Variants in PRDM8 observed in about 807,000 individuals in gnomAD.
PRDM8 encodes the protein PR/SET domain 8.
A neutral mutation model predicts 46.5 loss-of-function variants in PRDM8; 13 were observed. The observed-to-expected ratio is 0.28, with a 90% CI of 0.18 to 0.44. The LOEUF (loss-of-function observed/expected upper bound fraction) is 0.44, where lower values mean the gene tolerates loss of function less well. Ranked by LOEUF, PRDM8 falls within the 20% of genes least tolerant of loss-of-function variation. The pLI is 1.00. For synonymous variants in PRDM8, 473 were observed against 438.4 expected (o/e 1.08, Z -0.98); for missense variants, 998 against 955.0 (o/e 1.04, Z -0.59).
rs1422984083 is a variant in PRDM8, at chr4:80,203,610, C to T, written c.*78C>T. On this transcript the variant is annotated 3_prime_UTR_variant, in exon 4 of 4. Transcript: ENST00000415738. ...GCAGGAATAAACACGCGAGAACATC[C>T]ACCGCTTCCTTGCACCCCGAAACCC... 61 of 1,487,552 alleles carry T rather than the reference C, an allele frequency of 4.1e-5. No homozygotes were observed. Among genetic ancestry groups the T allele is most frequent in the Non-Finnish European group, 4.8e-5 (54 of 1,116,300 alleles). The allele number at this position is 1,487,552 out of a possible 1,614,324, so 92.1% of individuals were successfully genotyped here.
chr4:80,201,377 C>A lies in PRDM8; in HGVS notation c.307C>A (p.Leu103Ile). The A allele has an allele frequency of 6.2e-7, 1 of 1,614,220 alleles. No individual in the cohort carries two copies. Among genetic ancestry groups the A allele is most frequent in the African/African-American group, 1.3e-5 (1 of 75,048 alleles). ...GGCCAGAGATAAGGAAGAGCAGAAC[C>A]TTGAAGCCTACATAAAAAACGGACA... ...QSARDKEEQN[L>I]EAYIKNGQLF... The change falls in exon 3 of 4, where the codon CTT (leucine) becomes ATT (isoleucine). Residue 103 changes from leucine to isoleucine, a missense_variant. Transcript: ENST00000415738.
upstream of PRDM8, chr4:80,197,402 G>A: frequency 1.0e-6 from 1 of 979,180 alleles, no homozygotes; most frequent in African/African-American, 1.7e-5. Flanking sequence ...CGGAGGGAGC[G>A]CCTGGCCCAG....
chr4:80,189,794 C>G (rs1737407745), intron 1 of PRDM8: 1 of 152,210 alleles, frequency 6.6e-6, no homozygotes, highest in South Asian at 2.1e-4. Context: ...TCCTGGTTCC[C>G]CTGTGGAATT....
At chr4:80,197,898 C>G (rs1450621607) in intron 1 of PRDM8, 135 bp downstream of exon 1, 1 of 813,318 alleles carries the variant, frequency 1.2e-6, no homozygotes, top group African/African-American at 1.9e-5. Context: ...TGTCTACTGC[C>G]AGTAATATTG....
At chr4:80,192,710 T>C (rs963945978), upstream of PRDM8, among the ~76,000 whole-genome samples, 2 of 152,036 alleles carry the variant, frequency 1.3e-5, no homozygotes, top group African/African-American at 2.4e-5. Context: ...TGGGGAAGAG[T>C]ATAACATTTG....
intron 2 of PRDM8, among the ~76,000 whole-genome samples, chr4:80,200,706 G>A (rs116386292): frequency 0.013 from 1,972 of 152,222 alleles, 27 homozygotes; most frequent in Middle Eastern, 0.041. Flanking sequence ...CTAAAGATTA[G>A]TTTCTTTGGT....
intron 1 of PRDM8, among the ~76,000 whole-genome samples, chr4:80,199,195 G>C (rs1738235661): frequency 6.6e-6 from 1 of 151,928 alleles, no homozygotes; most frequent in African/African-American, 2.4e-5. Flanking sequence ...ATATGGGGTA[G>C]GGGGAGTGAA....
At chr4:80,192,209 A>G (rs889172055) in intron 2 of PRDM8, among the ~76,000 whole-genome samples, 1 of 152,188 alleles carries the variant, frequency 6.6e-6, no homozygotes, top group African/African-American at 2.4e-5. Flanking sequence ...TCCATACCTC[A>G]GAAAGCTAAC....
rs6834136 is a variant in PRDM8, at chr4:80,187,110, A to C, written c.-983+1592A>C. Among the ~76,000 whole-genome samples, 4 of 152,204 alleles carry C rather than the reference A, an allele frequency of 2.6e-5. No homozygotes were observed. The East Asian group carries it at 5.8e-4, about 22-fold the overall frequency. On this transcript the variant is annotated intron_variant, in intron 1 of 9. Coordinates refer to the PRDM8 transcript ENST00000339711. Reference sequence around the variant, plus strand: ...TCTCACCAATGTCTCCTTTGCCCCCAGGGTAGAACACTGAGGAATTGGTTT... The same window carrying C: ...TCTCACCAATGTCTCCTTTGCCCCCCGGGTAGAACACTGAGGAATTGGTTT...
At position 80,203,168 on chromosome 4, in the gene PRDM8, T is replaced by C; in HGVS notation, c.1706T>C (p.Leu569Pro). ...CGSLPSGGGG[L>P]PKQSPFLYAT... ...TCCCTGCCGAGCGGCGGCGGCGGCC[T>C]GCCTAAGCAGAGCCCCTTCCTGTAC... Residue 569 changes from leucine (L) to proline (P), a missense_variant, in exon 4 of 4, where the codon CTG (leucine) becomes CCG (proline). By Grantham distance (98) the Leu-to-Pro change is moderately conservative. Transcript: ENST00000415738. The C allele has an allele frequency of 3.2e-6, 5 of 1,544,726 alleles. No individual in the cohort carries two copies. The highest frequency in any genetic ancestry group is 4.3e-6 in the Non-Finnish European group (5 of 1,151,136).
intron 3 of PRDM8, 124 bp from the exon 4 acceptor site, chr4:80,201,790 G>T (rs1285797413): frequency 2.9e-6 from 4 of 1,393,224 alleles, no homozygotes; most frequent in Non-Finnish European, 4.0e-6. Context: ...CCTGAGAAAT[G>T]AAGGTGGATT....
intron 1 of PRDM8, among the ~76,000 whole-genome samples, chr4:80,187,828 CCCCAA>C (rs1449819979): frequency 2.0e-5 from 3 of 152,174 alleles, no homozygotes; most frequent in Non-Finnish European, 2.9e-5. Context: ...TCCTATAGAG[CCCCAA>C]ATGCCTACTG....
At chr4:80,188,032 A>G in intron 1 of PRDM8, among the ~76,000 whole-genome samples, 1 of 152,074 alleles carries the variant, frequency 6.6e-6, no homozygotes, top group Non-Finnish European at 1.5e-5. Context: ...CTAAACACTA[A>G]AGACAAAAGG....
At chr4:80,197,437 G>A (rs1417996993), upstream of PRDM8, 1 of 985,582 alleles carries the variant, frequency 1.0e-6, no homozygotes, top group African/African-American at 1.7e-5. Context: ...GAGGGGACGT[G>A]GGCTGTCACG....
In PRDM8 at chr4:80,186,553, CG is replaced by C. The variant is rs202197298; in HGVS notation, c.-983+1038del. 8.4e-3 allele frequency among the ~76,000 whole-genome samples: 1,277 copies of C among 151,960 alleles called. 20 individuals are homozygous for C. The highest frequency in any genetic ancestry group is 0.029 in the African/African-American group (1,216 of 41,442). The stretch of plus-strand genomic sequence containing the variant: ...CCCTCAAAGAAGCAGCAGCTCTGGG[CG>C]GGTAGGGTCTCCTCTTTTCTCCCTT... On this transcript the variant is annotated intron_variant, in intron 1 of 9. Coordinates refer to the PRDM8 transcript ENST00000339711.
rs749676209 is a variant in PRDM8, at chr4:80,203,275, C to G, written c.1813C>G (p.Leu605Val). 2.3e-5 allele frequency: 36 copies of G among 1,591,754 alleles called. No individual in the cohort carries two copies. Among genetic ancestry groups the G allele is most frequent in the Admixed American group, 7.0e-5 (4 of 57,070 alleles). ...GGCCGCGGGGCCCTTGCAGCTGCAG[C>G]TGCCCTCGGCGCTCACGCTGCTGCC... is the stretch of plus-strand genomic sequence containing the variant. ...AAAAGPLQLQ[L>V]PSALTLLPPS... The change falls in exon 4 of 4, where the codon CTG becomes GTG. Residue 605 changes from leucine to valine, a missense_variant. Coordinates refer to ENST00000415738, the MANE Select transcript of PRDM8 (RefSeq NM_001099403.2).
intron 1 of PRDM8, among the ~76,000 whole-genome samples, chr4:80,187,617 T>C (rs1401723121): frequency 1.3e-5 from 2 of 152,138 alleles, no homozygotes; most frequent in African/African-American, 4.8e-5. Flanking sequence ...GTCCATATCA[T>C]TTCTCTTTTC....
rs1443007613 is a variant in PRDM8 at position 80,202,327 on chromosome 4, A to G, written c.865A>G (p.Ser289Gly). Residue 289 changes from serine (S) to glycine (G), a missense_variant, in exon 4 of 4, where the codon AGC (serine) becomes GGC (glycine). Physicochemically the swap from Ser to Gly is moderately conservative, Grantham distance 56 (BLOSUM62 0). Transcript: ENST00000415738. ...CCAGAGCCTCAGCAGCGGTAGCGGC[A>G]GCGGCGGCGGCGGCGGCCACCAGGA... is the stretch of plus-strand genomic sequence containing the variant. ...PAQSLSSGSG[S>G]GGGGGHQEAE... The G allele has an allele frequency of 2.1e-5, 34 of 1,584,734 alleles. No homozygotes were observed. In the East Asian group the frequency reaches 5.0e-4, roughly 23 times the overall value.
upstream of PRDM8, chr4:80,194,306 A>G (rs375195742): frequency 5.3e-5 from 42 of 798,688 alleles, no homozygotes; most frequent in African/African-American, 6.0e-4. Context: ...CCTAGGGAAG[A>G]GAGCTCCAAA....
Sources: gnomAD v4.1 joint callset for allele counts (sites outside exome capture counted in the v4.1 genomes callset) on GRCh38, gnomAD v4.1.1 for gene constraint, MANE v1.5 for transcripts, NCBI Gene and HGNC (gene_info 2026-07-23, HGNC 2026-07-21) for gene names.